STK32B: variants seen among roughly 807,000 people sequenced by gnomAD.
STK32B encodes the protein serine/threonine-protein kinase 32B.
A neutral mutation model predicts 52.6 loss-of-function variants in STK32B; 43 were observed. The ratio of observed to expected loss-of-function variants is 0.82; its 90% CI spans 0.64 to 1.05. STK32B has a LOEUF of 1.05. Ranked by LOEUF, STK32B falls within the 50% of genes least tolerant of loss-of-function variation. STK32B has a pLI of 0.00. For synonymous variants in STK32B, 238 were observed against 204.3 expected (o/e 1.17, Z -1.41); for missense variants, 621 against 534.6 (o/e 1.16, Z -1.59).
At chr4:5,233,856 C>A (rs1039986891) in intron 3 of STK32B, among the ~76,000 whole-genome samples, 2 of 151,896 alleles carry the variant, frequency 1.3e-5, no homozygotes, top group Admixed American at 6.6e-5. Flanking sequence ...TGCAGCCAAG[C>A]AGTGACGTCT....
At chr4:5,111,702 T>C (rs1714416197) in intron 1 of STK32B, among the ~76,000 whole-genome samples, 1 of 152,070 alleles carries the variant, frequency 6.6e-6, no homozygotes, top group South Asian at 2.1e-4. Context: ...CCCCTGTCAT[T>C]ATGCGTCTGA....
intron 9 of STK32B, among the ~76,000 whole-genome samples, chr4:5,461,498 A>G (rs1717021506): frequency 1.3e-5 from 2 of 152,204 alleles, no homozygotes; most frequent in South Asian, 4.1e-4. Context: ...CCGTGGTAGC[A>G]GCGCACACGC....
chr4:5,429,788 T>C (rs1471876998), intron 6 of STK32B, among the ~76,000 whole-genome samples: 1 of 152,146 alleles, frequency 6.6e-6, no homozygotes, highest in Non-Finnish European at 1.5e-5. Flanking sequence ...TTGGTTTGCT[T>C]ATATAAGGAA....
At chr4:5,023,508 G>A in the STK32B span, among the ~76,000 whole-genome samples, 3 of 152,242 alleles carry the variant, frequency 2.0e-5, no homozygotes, top group East Asian at 5.8e-4. Flanking sequence ...GGGTGGAGAT[G>A]AGATGCGATG....
chr4:5,427,700 A>G (rs1468183512), intron 6 of STK32B, among the ~76,000 whole-genome samples: 1 of 152,096 alleles, frequency 6.6e-6, no homozygotes, highest in African/African-American at 2.4e-5. Context: ...GTTATGTGTA[A>G]TATCCCCTTA....
intron 6 of STK32B, among the ~76,000 whole-genome samples, chr4:5,432,758 G>A (rs1282675619): frequency 6.7e-6 from 1 of 150,054 alleles, no homozygotes; most frequent in Admixed American, 6.7e-5. Context: ...AGCAAACTTG[G>A]AATGATTTTG....
intron 1 of STK32B, among the ~76,000 whole-genome samples, chr4:5,127,427 G>A (rs1441857162): frequency 2.6e-5 from 4 of 152,130 alleles, no homozygotes; most frequent in Non-Finnish European, 4.4e-5. Flanking sequence ...ATTCTTCATC[G>A]GTGGCACAGA....
intron 3 of STK32B, among the ~76,000 whole-genome samples, chr4:5,200,193 A>G (rs1032733976): frequency 6.6e-6 from 1 of 151,886 alleles, no homozygotes; most frequent in Non-Finnish European, 1.5e-5. Context: ...TACTCTTAAC[A>G]GGTTGAAGTA....
rs961747294 is a variant in STK32B at position 5,380,981 on chromosome 4, C to A, written c.435-17226C>A. Among the ~76,000 whole-genome samples the A allele has an allele frequency of 4.6e-5, 7 of 152,190 alleles. No homozygotes were observed. Among genetic ancestry groups the A allele is most frequent in the Admixed American group, 2.6e-4 (4 of 15,282 alleles). ...ACTCTCTGGCCCACCGCCTGGGAAGCAATTTGCAGAGCAGTTACACAGTGT... is the reference window on the plus strand; with the variant it reads ...ACTCTCTGGCCCACCGCCTGGGAAGAAATTTGCAGAGCAGTTACACAGTGT... On this transcript the variant is annotated intron_variant, in intron 4 of 11. Transcript: ENST00000282908. This position sits in a 1 kb window ranked among gnomAD's most constrained non-coding sequence, Gnocchi z 4.3.
intron 3 of STK32B, among the ~76,000 whole-genome samples, chr4:5,176,237 C>T (rs1022652281): frequency 5.3e-5 from 8 of 152,276 alleles, no homozygotes; most frequent in South Asian, 2.1e-4. Flanking sequence ...TTCTCTGACC[C>T]GTTGCACTTC....
At chr4:5,465,224 T>A (rs761346054) in intron 9 of STK32B, among the ~76,000 whole-genome samples, 12 of 152,126 alleles carry the variant, frequency 7.9e-5, no homozygotes, top group Non-Finnish European at 1.8e-4. Flanking sequence ...GCAACTCCTG[T>A]GTGGCAGGGG....
intron 9 of STK32B, among the ~76,000 whole-genome samples, chr4:5,464,507 CCT>C (rs1717283891): frequency 1.3e-5 from 2 of 152,210 alleles, no homozygotes; most frequent in African/African-American, 2.4e-5. Context: ...TGTTGGCTGA[CCT>C]CTCTCTGCCT....
chr4:5,309,407 A>C (rs1054269729), intron 3 of STK32B, among the ~76,000 whole-genome samples: 3 of 152,214 alleles, frequency 2.0e-5, no homozygotes, highest in African/African-American at 4.8e-5. Context: ...TTATGAAATT[A>C]CAAAAGATGC....
At chr4:5,184,450 G>C (rs1720584343) in intron 3 of STK32B, among the ~76,000 whole-genome samples, 1 of 152,136 alleles carries the variant, frequency 6.6e-6, no homozygotes, top group Non-Finnish European at 1.5e-5. Context: ...CACTTTGGGA[G>C]GCTGAGGCAG....
chr4:5,413,112 T>C (rs1481769320), intron 5 of STK32B, among the ~76,000 whole-genome samples: 1 of 152,184 alleles, frequency 6.6e-6, no homozygotes, highest in African/African-American at 2.4e-5. Flanking sequence ...TTTGCTCAAA[T>C]GTCATGTTCT....
At chr4:5,047,535 T>C (rs1013315300), upstream of STK32B, among the ~76,000 whole-genome samples, 1 of 152,188 alleles carries the variant, frequency 6.6e-6, no homozygotes, top group Non-Finnish European at 1.5e-5. Context: ...TCTCACAATG[T>C]TTCTGACAAA....
intron 7 of STK32B, among the ~76,000 whole-genome samples, chr4:5,451,670 G>T (rs1404177427): frequency 1.3e-5 from 2 of 152,116 alleles, no homozygotes; most frequent in Non-Finnish European, 2.9e-5. Context: ...TTGTGGTGCG[G>T]GACTGTCCTG....
intron 1 of STK32B, among the ~76,000 whole-genome samples, chr4:5,077,213 G>A (rs1712136852): frequency 1.3e-5 from 2 of 152,150 alleles, no homozygotes; most frequent in South Asian, 4.1e-4. Flanking sequence ...CTAGTGTACT[G>A]TACATTTAAT....
chr4:5,343,818 C>G (rs1161554599), intron 4 of STK32B, among the ~76,000 whole-genome samples: 2 of 152,154 alleles, frequency 1.3e-5, no homozygotes, highest in African/African-American at 4.8e-5. Flanking sequence ...GGGAAGCTAG[C>G]TCCTGAAAAG....
Sources: gnomAD v4.1 joint callset for allele counts (sites outside exome capture counted in the v4.1 genomes callset) on GRCh38, gnomAD v4.1.1 for gene constraint, Gnocchi (gnomAD v3.1) non-coding constraint, MANE v1.5 for transcripts, NCBI Gene and HGNC (gene_info 2026-07-23, HGNC 2026-07-21) for gene names.